Variants in PITPNM2 observed in about 807,000 individuals in gnomAD.
The protein encoded by PITPNM2 is phosphatidylinositol transfer protein membrane associated 2.
PITPNM2 carries 35 observed loss-of-function variants against 132.2 expected under a neutral mutation model. The observed-to-expected ratio is 0.26, with a 90% confidence interval of 0.20 to 0.35. PITPNM2 has a LOEUF of 0.35. PITPNM2 is among the 10% of genes least tolerant of loss of function. The probability of loss-of-function intolerance (pLI) is 1.00; values close to 1 mark genes in which losing one functional copy is unlikely to be tolerated. For missense variants in PITPNM2, 1,332 were observed against 1,912.0 expected (o/e 0.70, Z 5.66); for synonymous variants, 738 against 799.2 (o/e 0.92, Z 1.29).
intron 2 of PITPNM2, among the ~76,000 whole-genome samples, chr12:123,051,364 GCTCT>G (rs752737544): frequency 2.0e-5 from 3 of 152,086 alleles, no homozygotes; most frequent in Non-Finnish European, 2.9e-5. Context: ...CCTCTTTCTG[GCTCT>G]CTAATTAGAT....
At chr12:123,086,743 T>C (rs773405537) in intron 2 of PITPNM2, among the ~76,000 whole-genome samples, 44 of 152,176 alleles carry the variant, frequency 2.9e-4, no homozygotes, top group Non-Finnish European at 5.1e-4. Flanking sequence ...TGGCCACCAC[T>C]GTTCCATAGG....
In PITPNM2 at chr12:123,009,968, G is replaced by C; in HGVS notation, c.525C>G (p.Asn175Lys). Residue 175 changes from asparagine to lysine, a missense_variant, in exon 6 of 26, where the codon AAC becomes AAG. Physicochemically the swap from Asn to Lys is moderately conservative, Grantham distance 94. Transcript: ENST00000320201. The surrounding 1 kb of genome is among the most constrained non-coding windows in gnomAD (Gnocchi z 4.8). The part of the protein sequence containing the change: ...TKTQRGPLSE[N>K]WIEEYKKQVF... The stretch of plus-strand genomic sequence containing the variant: ...CCTGCTTCTTGTACTCCTCGATCCA[G>C]TTCTCGGACAGGGGCCCCCGCTGGG... 6.2e-7 allele frequency: 1 copy of C among 1,614,222 alleles called. No individual in the cohort carries two copies. Among genetic ancestry groups the C allele is most frequent in the African/African-American group, 1.3e-5 (1 of 75,048 alleles).
chr12:123,105,367 G>A (rs1215078090), intron 2 of PITPNM2: 1 of 152,168 alleles, frequency 6.6e-6, no homozygotes. Flanking sequence ...AATACGTGTG[G>A]AATGAATCGC....
At chr12:123,001,405 C>T (rs1395242639) in intron 8 of PITPNM2, among the ~76,000 whole-genome samples, 3 of 152,264 alleles carry the variant, frequency 2.0e-5, no homozygotes, top group Non-Finnish European at 4.4e-5. Context: ...TCACCACTAT[C>T]TAATTCCAGA....
intron 1 of PITPNM2, among the ~76,000 whole-genome samples, chr12:123,134,381 G>A (rs185662822): frequency 4.6e-5 from 7 of 152,216 alleles, no homozygotes; most frequent in Non-Finnish European, 8.8e-5. Flanking sequence ...CCAGGTAAGA[G>A]CACACCCAGG....
In PITPNM2 at chr12:123,111,052, G is replaced by A. The variant is rs934225291; in HGVS notation, c.-199-564C>T. Among the ~76,000 whole-genome samples, 10 of 152,194 alleles carry A rather than the reference G, an allele frequency of 6.6e-5. No individual in the cohort carries two copies. The highest frequency in any genetic ancestry group is 1.2e-4 in the African/African-American group (5 of 41,444). On this transcript the variant is annotated intron_variant, in intron 1 of 25. Transcript: ENST00000320201. The surrounding 1 kb of genome is among the most constrained non-coding windows in gnomAD (Gnocchi z 4.1). The stretch of plus-strand genomic sequence containing the variant: ...CTGACTACCCAGAGGCCAGAGACAA[G>A]CATTCAAAACAAAATGAAAAAGGTG...
intron 3 of PITPNM2, among the ~76,000 whole-genome samples, chr12:123,014,515 G>T (rs1376257182): frequency 1.3e-5 from 2 of 152,098 alleles, no homozygotes; most frequent in African/African-American, 4.8e-5. Flanking sequence ...ACCAGCCTGG[G>T]CAACATGGTG....
Position 123,150,742 on chromosome 12 carries a change from G to T in PITPNM2, c.-200+11C>A, listed in dbSNP as rs2043724395. Among the ~76,000 whole-genome samples, 1 of 150,510 alleles carries T rather than the reference G, an allele frequency of 6.6e-6. No homozygotes were observed. Among genetic ancestry groups the T allele is most frequent in the Non-Finnish European group, 1.5e-5 (1 of 67,520 alleles). ...CGCGGGCCTGCGGAGCGGCCGCCCG[G>T]ACGCACTCACCCCGCTCGGCGCGGC... On this transcript the variant is annotated intron_variant, in intron 1 of 25. Coordinates refer to ENST00000320201, the MANE Select transcript of PITPNM2 (RefSeq NM_020845.3). The surrounding 1 kb of genome is among the most constrained non-coding windows in gnomAD (Gnocchi z 6.0).
chr12:123,003,815 CTG>C (rs2038799387), intron 8 of PITPNM2, among the ~76,000 whole-genome samples: 1 of 152,234 alleles, frequency 6.6e-6, no homozygotes. Context: ...CTCCAGCTTC[CTG>C]GAGAGGAATG....
chr12:122,996,697 C>G, intron 12 of PITPNM2, 24 bp downstream of exon 12: 1 of 1,610,780 alleles, frequency 6.2e-7, no homozygotes, highest in Non-Finnish European at 8.5e-7. Context: ...TCCTCCTCCC[C>G]TCCCCAACTT....
At chr12:123,045,870 C>T (rs1037967377) in intron 2 of PITPNM2, among the ~76,000 whole-genome samples, 2 of 152,118 alleles carry the variant, frequency 1.3e-5, no homozygotes, top group African/African-American at 4.8e-5. Context: ...ACCAAAGGCG[C>T]ACCAGCCCAC....
chr12:123,119,308 T>C (rs2042988684), intron 1 of PITPNM2, among the ~76,000 whole-genome samples: 1 of 151,530 alleles, frequency 6.6e-6, no homozygotes, highest in African/African-American at 2.4e-5. Context: ...AAGGATTAGG[T>C]AGCACAACTA....
At chr12:123,037,872 T>C (rs1216242434) in intron 2 of PITPNM2, among the ~76,000 whole-genome samples, 1 of 152,254 alleles carries the variant, frequency 6.6e-6, no homozygotes, top group Non-Finnish European at 1.5e-5. Flanking sequence ...TGTGAGCACA[T>C]GTCTGGAACA....
At chr12:123,014,601 C>T (rs2039350146) in intron 3 of PITPNM2, among the ~76,000 whole-genome samples, 1 of 152,130 alleles carries the variant, frequency 6.6e-6, no homozygotes, top group African/African-American at 2.4e-5. Flanking sequence ...TACTCAAAGG[C>T]TGAAACAGGA....
At chr12:123,037,423 C>T (rs1199667347) in intron 2 of PITPNM2, among the ~76,000 whole-genome samples, 1 of 152,224 alleles carries the variant, frequency 6.6e-6, no homozygotes, top group African/African-American at 2.4e-5. Context: ...GAAGGCACAG[C>T]AGGTGCTTGG....
At chr12:123,047,297 T>C (rs1025642150) in intron 2 of PITPNM2, among the ~76,000 whole-genome samples, 4 of 152,254 alleles carry the variant, frequency 2.6e-5, no homozygotes, top group Admixed American at 2.6e-4. Flanking sequence ...ACAAACCTTC[T>C]GGCTGAGGGA....
Position 123,117,529 on chromosome 12 carries a change from G to A in PITPNM2, c.-199-7041C>T, listed in dbSNP as rs575664757. Among the ~76,000 whole-genome samples the A allele has an allele frequency of 1.3e-4, 20 of 152,214 alleles. No homozygotes were observed. In the South Asian group the frequency reaches 3.3e-3, roughly 25 times the overall value. The stretch of plus-strand genomic sequence containing the variant: ...CCCCATCTGTAGAGTGAGGAGGCTG[G>A]GCTTCATGACCTCTGAAAGGGTTCT... On this transcript the variant is annotated intron_variant, in intron 1 of 25. Coordinates refer to ENST00000320201, the MANE Select transcript of PITPNM2 (RefSeq NM_020845.3). The surrounding 1 kb of genome is among the most constrained non-coding windows in gnomAD (Gnocchi z 4.7).
intron 3 of PITPNM2, among the ~76,000 whole-genome samples, chr12:123,016,472 C>T (rs897093163): frequency 6.6e-6 from 1 of 151,698 alleles, no homozygotes; most frequent in Non-Finnish European, 1.5e-5. Context: ...CCCACCACCA[C>T]ATCCAGCTAA....
intron 3 of PITPNM2, among the ~76,000 whole-genome samples, chr12:123,014,828 TCCA>T (rs1448488839): frequency 1.3e-5 from 2 of 152,156 alleles, no homozygotes; most frequent in Non-Finnish European, 2.9e-5. Flanking sequence ...CTAAACAATC[TCCA>T]CCAAAGCCTG....
Sources: gnomAD v4.1 joint callset for allele counts (sites outside exome capture counted in the v4.1 genomes callset) on GRCh38, gnomAD v4.1.1 for gene constraint, Gnocchi (gnomAD v3.1) non-coding constraint, MANE v1.5 for transcripts, NCBI Gene and HGNC (gene_info 2026-07-23, HGNC 2026-07-21) for gene names.